The following EXOC2 variants were observed in gnomAD, a reference collection of about 807,000 sequenced individuals.
The protein encoded by EXOC2 is exocyst complex component 2.
EXOC2 carries 70 observed loss-of-function variants against 131.8 expected under a neutral mutation model. The observed-to-expected ratio is 0.53, with a 90% CI of 0.44 to 0.65. The LOEUF is 0.65. Among genes scored for constraint, EXOC2 ranks in the 30% least tolerant of loss-of-function variants. The pLI, the probability that EXOC2 is intolerant of heterozygous loss-of-function variation, is 0.00. For synonymous variants in EXOC2, 411 were observed against 398.4 expected, an observed-to-expected ratio of 1.03 and a Z score of -0.38; for missense variants, 923 against 1,108.6, an observed-to-expected ratio of 0.83 and a Z score of 2.38.
At chr6:583,489 G>C (rs1454035793) in intron 11 of EXOC2, among the ~76,000 whole-genome samples, 1 of 151,014 alleles carries the variant, frequency 6.6e-6, no homozygotes, top group Non-Finnish European at 1.5e-5. Flanking sequence ...CAAAACAGGA[G>C]ACACAAAAAA....
chr6:504,533 C>T (rs1458877970), intron 23 of EXOC2, among the ~76,000 whole-genome samples: 3 of 152,170 alleles, frequency 2.0e-5, no homozygotes, highest in Non-Finnish European at 2.9e-5. Flanking sequence ...AATTTCATTC[C>T]AATGTCACTA....
intron 11 of EXOC2, among the ~76,000 whole-genome samples, chr6:580,596 C>G (rs146546513): frequency 2.6e-5 from 4 of 152,164 alleles, no homozygotes; most frequent in Non-Finnish European, 5.9e-5. Flanking sequence ...GCCAATACTA[C>G]CAAATTGTTC....
At chr6:603,830 G>C (rs1295550724) in intron 7 of EXOC2, among the ~76,000 whole-genome samples, 1 of 152,170 alleles carries the variant, frequency 6.6e-6, no homozygotes, top group Non-Finnish European at 1.5e-5. Context: ...TGTGTTTCAA[G>C]ATGTGTTTGC....
intron 1 of EXOC2, among the ~76,000 whole-genome samples, chr6:682,662 T>C (rs909841587): frequency 2.0e-5 from 3 of 152,186 alleles, no homozygotes; most frequent in African/African-American, 7.2e-5. Context: ...TATGTCATAA[T>C]TGACATAAAA....
chr6:536,118 T>G (rs190009373), intron 22 of EXOC2, among the ~76,000 whole-genome samples: 3 of 152,162 alleles, frequency 2.0e-5, no homozygotes, highest in Non-Finnish European at 4.4e-5. Context: ...TAAGGCAAAG[T>G]TGTCCCCTTT....
chr6:642,618 T>C (rs1327877192), intron 1 of EXOC2, among the ~76,000 whole-genome samples: 2 of 152,194 alleles, frequency 1.3e-5, no homozygotes, highest in Non-Finnish European at 2.9e-5. Context: ...CTATAACAAA[T>C]GTTATTAAAA....
chr6:501,104 ATATATTATATATATC>A (rs1764029222), intron 23 of EXOC2, among the ~76,000 whole-genome samples: 1 of 87,814 alleles, frequency 1.1e-5, no homozygotes, highest in South Asian at 3.4e-4. Context: ...CAAAAGATAT[ATATATTATATATATC>A]TATATATATT....
chr6:487,263 T>C (rs925275468), intron 27 of EXOC2, among the ~76,000 whole-genome samples: 5 of 152,148 alleles, frequency 3.3e-5, no homozygotes, highest in Non-Finnish European at 5.9e-5. Flanking sequence ...TCTCATTTTG[T>C]ATTAACAGGT....
At chr6:649,031 A>G (rs915563462) in intron 1 of EXOC2, among the ~76,000 whole-genome samples, 6 of 151,990 alleles carry the variant, frequency 3.9e-5, no homozygotes, top group African/African-American at 1.4e-4. Flanking sequence ...TTTCTTTGTA[A>G]GAGACGGAGC....
At chr6:624,418 A>T (rs1761450136) in intron 4 of EXOC2, among the ~76,000 whole-genome samples, 1 of 152,236 alleles carries the variant, frequency 6.6e-6, no homozygotes, top group Admixed American at 6.5e-5. Context: ...ATGCTTGTGG[A>T]AGCCTAGCAG....
At chr6:577,201 T>C (rs2127601032) in intron 11 of EXOC2, among the ~76,000 whole-genome samples, 1 of 152,314 alleles carries the variant, frequency 6.6e-6, no homozygotes, top group East Asian at 1.9e-4. Flanking sequence ...TAAATGTAGC[T>C]GACTTACACA....
At chr6:503,724 C>G (rs1255861721) in intron 23 of EXOC2, among the ~76,000 whole-genome samples, 1 of 152,022 alleles carries the variant, frequency 6.6e-6, no homozygotes, top group East Asian at 1.9e-4. Context: ...GCCTAGAGAC[C>G]AGATAGTGTC....
At chr6:677,614 G>A (rs989602010) in intron 1 of EXOC2, among the ~76,000 whole-genome samples, 2 of 151,868 alleles carry the variant, frequency 1.3e-5, no homozygotes, top group Non-Finnish European at 2.9e-5. Context: ...GATAACAGGC[G>A]TGCACCACCA....
chr6:587,191 C>T (rs1426929263), intron 11 of EXOC2, among the ~76,000 whole-genome samples: 2 of 151,902 alleles, frequency 1.3e-5, no homozygotes, highest in African/African-American at 4.8e-5. Context: ...TAAACACACG[C>T]ACACATACAC....
chr6:489,416 C>G (rs930174969), intron 26 of EXOC2, among the ~76,000 whole-genome samples: 1 of 152,160 alleles, frequency 6.6e-6, no homozygotes, highest in African/African-American at 2.4e-5. Context: ...TGGGGATGAC[C>G]TTCTGAAAGA....
rs77609355 is a variant in EXOC2, at chr6:546,347, C to G, written c.2238+2828G>C. Among the ~76,000 whole-genome samples, 3 of 152,240 alleles carry G rather than the reference C, an allele frequency of 2.0e-5. No homozygotes were observed. In the South Asian group the frequency reaches 6.2e-4, roughly 32 times the overall value. ...CACCGAGTCCACCAAAGGTTTATAA[C>G]GGGGCTTATTTTTAAGGAGGAACAA... On this transcript the variant is annotated intron_variant, in intron 22 of 27. Coordinates refer to ENST00000230449, the MANE Select transcript of EXOC2 (RefSeq NM_018303.6).
At chr6:571,969 G>A (rs1758302694) in intron 13 of EXOC2, among the ~76,000 whole-genome samples, 1 of 152,234 alleles carries the variant, frequency 6.6e-6, no homozygotes, top group Admixed American at 6.5e-5. Context: ...GTCATATGAT[G>A]ATGAAGATAC....
At chr6:651,913 G>A (rs542113208) in intron 1 of EXOC2, among the ~76,000 whole-genome samples, 3 of 151,800 alleles carry the variant, frequency 2.0e-5, no homozygotes, top group South Asian at 4.2e-4. Flanking sequence ...AAAACTAGCC[G>A]GGTGCGGTGG....
intron 20 of EXOC2, 44 bp downstream of exon 20, chr6:555,179 TTTAA>T: frequency 8.6e-7 from 1 of 1,158,718 alleles, no homozygotes. Flanking sequence ...AGCCTGTATT[TTTAA>T]TTCTCTTAAA....
Sources: gnomAD v4.1 joint callset for allele counts (sites outside exome capture counted in the v4.1 genomes callset) on GRCh38, gnomAD v4.1.1 for gene constraint, MANE v1.5 for transcripts, NCBI Gene and HGNC (gene_info 2026-07-23, HGNC 2026-07-21) for gene names.